The following DOCK2 variants were observed in gnomAD, a reference collection of about 807,000 sequenced individuals.
DOCK2 encodes dedicator of cytokinesis 2.
DOCK2 carries 87 observed loss-of-function variants against 248.9 expected under a neutral mutation model. That is an observed-to-expected ratio of 0.35 (90% CI 0.29 to 0.42). The LOEUF is 0.42. Ranked by LOEUF, DOCK2 falls within the 10% of genes least tolerant of loss-of-function variation. The pLI, the probability that DOCK2 is intolerant of heterozygous loss-of-function variation, is 1.00. For missense variants in DOCK2, 1,747 were observed against 2,300.2 expected, an observed-to-expected ratio of 0.76 and a Z score of 4.92; for synonymous variants, 805 against 821.6, an observed-to-expected ratio of 0.98 and a Z score of 0.35.
intron 29 of DOCK2, among the ~76,000 whole-genome samples, chr5:169,993,132 G>A (rs1304629472): frequency 6.6e-6 from 1 of 152,220 alleles, no homozygotes; most frequent in Non-Finnish European, 1.5e-5. Context: ...GGCACTCAAT[G>A]CATTTCCATC....
chr5:169,747,040 T>A (rs187807), intron 22 of DOCK2, among the ~76,000 whole-genome samples: 49,092 of 152,154 alleles, frequency 0.32, 11,412 homozygotes, highest in African/African-American at 0.64. Flanking sequence ...TATTTCCAAG[T>A]TACTTTGAAA....
At chr5:169,886,215 A>C (rs4867897) in intron 27 of DOCK2, among the ~76,000 whole-genome samples, 1 of 152,004 alleles carries the variant, frequency 6.6e-6, no homozygotes, top group African/African-American at 2.4e-5. Flanking sequence ...CAGAATGAGC[A>C]GAGTTTCATG....
intron 1 of DOCK2, among the ~76,000 whole-genome samples, chr5:169,638,834 A>C (rs1287676751): frequency 6.6e-6 from 1 of 152,190 alleles, no homozygotes; most frequent in Admixed American, 6.5e-5. Context: ...CCAAGTTTAC[A>C]TCACTTGGAA....
intron 27 of DOCK2, among the ~76,000 whole-genome samples, chr5:169,860,684 G>A (rs999798801): frequency 2.0e-5 from 3 of 152,150 alleles, no homozygotes; most frequent in African/African-American, 7.2e-5. Context: ...GGAGAAGGCA[G>A]GAAAAGGAAT....
chr5:169,808,946 G>A lies in DOCK2; in HGVS notation c.2703+5740G>A, dbSNP rs116576329. Among the ~76,000 whole-genome samples, 636 of 152,042 alleles carry A rather than the reference G, an allele frequency of 4.2e-3. 1 individual carries two copies. The highest frequency in any genetic ancestry group is 6.9e-3 in the Non-Finnish European group (466 of 67,972). On this transcript the variant is annotated intron_variant, in intron 26 of 51. Transcript: ENST00000520908. ...TTGAGTCTATTGGCTAAACCTGGGT[G>A]GGGGGCTACCAAGGTACTCTCAGTC...
chr5:169,975,267 T>C lies in DOCK2; in HGVS notation c.2800-7801T>C, dbSNP rs115846247. ...CTAGGAACAACTCCAGTCTAGTGCC[T>C]TGGAGATGGGCTGGTGTAGAAAGAC... On this transcript the variant is annotated intron_variant, in intron 27 of 51. Transcript: ENST00000520908. Among the ~76,000 whole-genome samples the C allele has an allele frequency of 3.3e-3, 498 of 152,344 alleles. 1 individual carries two copies. Among genetic ancestry groups the C allele is most frequent in the African/African-American group, 0.011 (446 of 41,584 alleles).
intron 22 of DOCK2, among the ~76,000 whole-genome samples, chr5:169,743,219 T>C (rs1763419282): frequency 6.6e-6 from 1 of 152,260 alleles, no homozygotes; most frequent in African/African-American, 2.4e-5. Flanking sequence ...AGGTTATTTC[T>C]TCCTTGTAAT....
At chr5:170,017,910 T>C (rs1755590189) in intron 32 of DOCK2, among the ~76,000 whole-genome samples, 1 of 151,610 alleles carries the variant, frequency 6.6e-6, no homozygotes, top group Admixed American at 6.6e-5. Flanking sequence ...GGTATCACTT[T>C]TGCATTTTTA....
At chr5:169,906,898 G>A (rs1482926442) in intron 27 of DOCK2, among the ~76,000 whole-genome samples, 1 of 152,174 alleles carries the variant, frequency 6.6e-6, no homozygotes, top group Non-Finnish European at 1.5e-5. Context: ...TGGTGCTGAT[G>A]GTGCTGAGAA....
chr5:169,875,510 C>T, intron 27 of DOCK2: 1 of 321,194 alleles, frequency 3.1e-6, no homozygotes. Context: ...TGGAATCTGG[C>T]TTGTTGGAAG....
At chr5:169,806,219 GT>G (rs36108162) in intron 26 of DOCK2, among the ~76,000 whole-genome samples, 2,601 of 122,514 alleles carry the variant, frequency 0.021, 39 homozygotes, top group East Asian at 0.077. Context: ...CACCTCGAGA[GT>G]TTTTTTTTTT....
intron 1 of DOCK2, among the ~76,000 whole-genome samples, chr5:169,646,205 T>C (rs1318864987): frequency 1.3e-5 from 2 of 152,202 alleles, no homozygotes; most frequent in Non-Finnish European, 2.9e-5. Context: ...GAGATCCTTA[T>C]TCCATTGCTT....
intron 26 of DOCK2, among the ~76,000 whole-genome samples, chr5:169,834,774 C>A (rs1241351957): frequency 6.6e-6 from 1 of 152,250 alleles, no homozygotes; most frequent in Non-Finnish European, 1.5e-5. Context: ...ATCACCTTAG[C>A]ATCACACACA....
At chr5:170,082,518 C>T (rs2113881866) in intron 51 of DOCK2, among the ~76,000 whole-genome samples, 1 of 152,272 alleles carries the variant, frequency 6.6e-6, no homozygotes, top group African/African-American at 2.4e-5. Context: ...ACTTCCCAAG[C>T]ATGGTGCCAT....
At chr5:169,786,518 A>G (rs2113030080) in intron 25 of DOCK2, among the ~76,000 whole-genome samples, 1 of 152,348 alleles carries the variant, frequency 6.6e-6, no homozygotes, top group East Asian at 1.9e-4. Flanking sequence ...AATGGGAAAG[A>G]TAAGAAAAGA....
At chr5:170,042,253 A>C in intron 38 of DOCK2, 121 bp downstream of exon 38, 1 of 1,252,674 alleles carries the variant, frequency 8.0e-7, no homozygotes, top group South Asian at 1.5e-5. Flanking sequence ...CCTAACTCTG[A>C]TCACTTCTCT....
intron 26 of DOCK2, among the ~76,000 whole-genome samples, chr5:169,823,566 A>G (rs1768627614): frequency 6.6e-6 from 1 of 152,270 alleles, no homozygotes; most frequent in African/African-American, 2.4e-5. Flanking sequence ...GACAAAATTC[A>G]GCAGCCCTTC....
At chr5:169,983,568 G>T (rs1777992919) in intron 28 of DOCK2, among the ~76,000 whole-genome samples, 1 of 152,198 alleles carries the variant, frequency 6.6e-6, no homozygotes, top group Non-Finnish European at 1.5e-5. Flanking sequence ...TGGTCTCTGG[G>T]CCACCTTCTT....
intron 1 of DOCK2, among the ~76,000 whole-genome samples, chr5:169,642,533 G>A (rs1236153716): frequency 6.6e-6 from 1 of 152,190 alleles, no homozygotes; most frequent in Non-Finnish European, 1.5e-5. Context: ...ATTAATACAT[G>A]CATCTTTGCT....
Sources: gnomAD v4.1 joint callset for allele counts (sites outside exome capture counted in the v4.1 genomes callset) on GRCh38, gnomAD v4.1.1 for gene constraint, MANE v1.5 for transcripts, NCBI Gene and HGNC (gene_info 2026-07-23, HGNC 2026-07-21) for gene names.